Variants in MLLT3 observed in about 807,000 individuals in gnomAD.
MLLT3 encodes protein AF-9.
MLLT3 carries 4 observed loss-of-function variants against 53.2 expected under a neutral mutation model. That is an observed-to-expected ratio of 0.08 (90% confidence interval 0.04 to 0.17). MLLT3 has a LOEUF of 0.17. Ranked by LOEUF, MLLT3 falls within the 10% of genes least tolerant of loss-of-function variation. The pLI is 1.00. For missense variants in MLLT3, 569 were observed against 684.0 expected, an observed-to-expected ratio of 0.83 and a Z score of 1.87; for synonymous variants, 283 against 230.6, an observed-to-expected ratio of 1.23 and a Z score of -2.06.
intron 2 of MLLT3, among the ~76,000 whole-genome samples, chr9:20,600,158 CTT>C (rs1563838197): frequency 1.4e-5 from 2 of 141,342 alleles, no homozygotes; most frequent in African/African-American, 5.2e-5. Context: ...AAAAAAAACA[CTT>C]AGTTCAAATT....
chr9:20,437,131 A>G (rs1823426299), intron 4 of MLLT3, among the ~76,000 whole-genome samples: 4 of 152,166 alleles, frequency 2.6e-5, no homozygotes, highest in Admixed American at 2.6e-4. Flanking sequence ...AAAAAAAATC[A>G]AGATCAGTAT....
chr9:20,382,573 T>C (rs1371806910), intron 5 of MLLT3: 2 of 151,844 alleles, frequency 1.3e-5, no homozygotes, highest in Non-Finnish European at 2.9e-5. Flanking sequence ...GACTTCCCAA[T>C]TGCTCATTCA....
rs117954278 is a variant in MLLT3 at position 20,585,403 on chromosome 9, G to T, written c.193+35251C>A. On this transcript the variant is annotated intron_variant, in intron 2 of 10. Transcript: ENST00000380338. ...CTATCTACAAATACAGTCGTAGAAG[G>T]GTAGGGTTTCAACGTATGAATTTGG... is the stretch of plus-strand genomic sequence containing the variant. 9.8e-3 allele frequency among the ~76,000 whole-genome samples: 1,487 copies of T among 152,266 alleles called. 14 individuals carry two copies. Among genetic ancestry groups the T allele is most frequent in the Non-Finnish European group, 0.016 (1,056 of 68,018 alleles).
chr9:20,474,395 A>C (rs1389743662), intron 2 of MLLT3, among the ~76,000 whole-genome samples: 1 of 152,114 alleles, frequency 6.6e-6, no homozygotes, highest in Non-Finnish European at 1.5e-5. Flanking sequence ...TTCAATGACT[A>C]GCTGACCCAC....
chr9:20,382,114 C>T (rs77174552), intron 5 of MLLT3, among the ~76,000 whole-genome samples: 1,667 of 151,828 alleles, frequency 0.011, 28 homozygotes, highest in African/African-American at 0.038. Flanking sequence ...TATTTTAAAA[C>T]TTTTTCTCTA....
intron 4 of MLLT3, among the ~76,000 whole-genome samples, chr9:20,417,266 G>T (rs962537623): frequency 7.2e-6 from 1 of 139,812 alleles, no homozygotes; most frequent in Non-Finnish European, 1.5e-5. Context: ...GTAAAACAGT[G>T]GCTCAGATAC....
At chr9:20,555,761 C>T (rs775474292) in intron 2 of MLLT3, among the ~76,000 whole-genome samples, 4 of 152,140 alleles carry the variant, frequency 2.6e-5, no homozygotes, top group Admixed American at 2.6e-4. Context: ...AGGAGGAGAC[C>T]CACTAGAAGC....
At chr9:20,399,117 G>A (rs1822392803) in intron 5 of MLLT3, among the ~76,000 whole-genome samples, 1 of 152,130 alleles carries the variant, frequency 6.6e-6, no homozygotes, top group Non-Finnish European at 1.5e-5. Context: ...CTTACACCCT[G>A]TACTGTGTAC....
chr9:20,551,090 C>T (rs73434510), intron 2 of MLLT3, among the ~76,000 whole-genome samples: 4,009 of 152,174 alleles, frequency 0.026, 195 homozygotes, highest in African/African-American at 0.09. Context: ...ATGGCCAATT[C>T]GGCTGAGGAA....
chr9:20,387,033 A>C (rs1822054188), intron 5 of MLLT3, among the ~76,000 whole-genome samples: 1 of 152,228 alleles, frequency 6.6e-6, no homozygotes, highest in African/African-American at 2.4e-5. Context: ...CTGCAGTCAC[A>C]CTAGCCAAAG....
intron 2 of MLLT3, among the ~76,000 whole-genome samples, chr9:20,590,194 G>A (rs192200801): frequency 3.3e-5 from 5 of 152,204 alleles, no homozygotes; most frequent in Non-Finnish European, 5.9e-5. Context: ...TTCAATGGGC[G>A]TCAACTCTCT....
rs149000207 is a variant in MLLT3 at position 20,507,868 on chromosome 9, A to G, written c.194-51082T>C. Among the ~76,000 whole-genome samples, 487 of 152,302 alleles carry G rather than the reference A, an allele frequency of 3.2e-3. 4 individuals are homozygous for G. Among genetic ancestry groups the G allele is most frequent in the African/African-American group, 0.011 (466 of 41,574 alleles). Reference sequence around the variant, plus strand: ...AAGGTACTCTTCACAATAAGAATCTATAACAATCCAAATAAAGTATGCCTA... The same window carrying G: ...AAGGTACTCTTCACAATAAGAATCTGTAACAATCCAAATAAAGTATGCCTA... On this transcript the variant is annotated intron_variant, in intron 2 of 10. Coordinates refer to ENST00000380338, the MANE Select transcript of MLLT3 (RefSeq NM_004529.4).
chr9:20,552,444 T>G (rs1426601563), intron 2 of MLLT3, among the ~76,000 whole-genome samples: 1 of 152,142 alleles, frequency 6.6e-6, no homozygotes, highest in East Asian at 1.9e-4. Flanking sequence ...GTGAGCAGAA[T>G]CAGCTCATCA....
At chr9:20,393,925 C>T (rs1160139841) in intron 5 of MLLT3, among the ~76,000 whole-genome samples, 1 of 152,100 alleles carries the variant, frequency 6.6e-6, no homozygotes, top group Non-Finnish European at 1.5e-5. Flanking sequence ...TTATTTGATA[C>T]TTGTCTTAAA....
intron 5 of MLLT3, among the ~76,000 whole-genome samples, chr9:20,397,802 T>C (rs1255467981): frequency 6.6e-6 from 1 of 152,264 alleles, no homozygotes; most frequent in East Asian, 1.9e-4. Flanking sequence ...ATAAATTATA[T>C]TTGGGTATAA....
intron 2 of MLLT3, among the ~76,000 whole-genome samples, chr9:20,487,900 A>C (rs1586988176): frequency 6.6e-6 from 1 of 152,130 alleles, no homozygotes; most frequent in South Asian, 2.1e-4. Flanking sequence ...CATAACTCAA[A>C]GTTCAAAGCT....
intron 4 of MLLT3, among the ~76,000 whole-genome samples, chr9:20,436,590 C>G (rs1823410720): frequency 6.6e-6 from 1 of 152,108 alleles, no homozygotes; most frequent in African/African-American, 2.4e-5. Flanking sequence ...TCTTTGTCTT[C>G]TTTTCATTGC....
At chr9:20,500,921 C>A (rs1825207046) in intron 2 of MLLT3, among the ~76,000 whole-genome samples, 1 of 152,132 alleles carries the variant, frequency 6.6e-6, no homozygotes, top group Admixed American at 6.5e-5. Context: ...ACACTCTAGC[C>A]CTCCCAATAA....
chr9:20,350,494 C>G (rs1251653554), intron 10 of MLLT3, among the ~76,000 whole-genome samples: 2 of 148,984 alleles, frequency 1.3e-5, no homozygotes, highest in African/African-American at 2.5e-5. Flanking sequence ...ACTTGGGAGG[C>G]TGAGGCAGGA....
Sources: allele counts gnomAD v4.1 joint callset (sites outside exome capture counted in the v4.1 genomes callset), GRCh38; gene constraint gnomAD v4.1.1; transcripts MANE v1.5; gene names NCBI Gene and HGNC (gene_info 2026-07-23, HGNC 2026-07-21).